FXR1: variants seen among roughly 807,000 people sequenced by gnomAD.
FXR1 encodes the protein FMR1 autosomal homolog 1.
Under a neutral mutation model 84.0 loss-of-function variants are expected in FXR1, and 15 were observed. The ratio of observed to expected loss-of-function variants is 0.18; its 90% CI spans 0.12 to 0.27. The LOEUF (loss-of-function observed/expected upper bound fraction) is 0.27. FXR1 is among the 10% of genes least tolerant of loss of function. The probability of loss-of-function intolerance (pLI) is 1.00; values close to 1 mark genes in which losing one functional copy is unlikely to be tolerated. For missense variants in FXR1, 480 were observed against 774.4 expected (o/e 0.62, Z 4.51); for synonymous variants, 245 against 250.7 (o/e 0.98, Z 0.21).
intron 1 of FXR1, among the ~76,000 whole-genome samples, chr3:180,930,060 C>G (rs543580972): frequency 3.3e-5 from 5 of 152,108 alleles, no homozygotes; most frequent in Non-Finnish European, 7.4e-5. Flanking sequence ...GGTCGGAGTT[C>G]GAGACCAGCC....
rs1366527212 is a variant in FXR1, at chr3:180,926,482, A to G, written c.52-6852A>G. ...TCTATTTAGGGGGATTGTACTGTAT[A>G]TATATATATATATATATATATATAT... On this transcript the variant is annotated intron_variant, in intron 1 of 16. Coordinates refer to ENST00000357559, the MANE Select transcript of FXR1 (RefSeq NM_005087.4). Among the ~76,000 whole-genome samples, 22 of 56,540 alleles carry G rather than the reference A, an allele frequency of 3.9e-4. 1 individual carries two copies. Among genetic ancestry groups the G allele is most frequent in the African/African-American group, 1.6e-3 (11 of 6,834 alleles). 37.1% of individuals were successfully genotyped at this position (56,540 alleles called of 152,430 possible).
chr3:180,953,148 CT>C (rs1294035960), intron 8 of FXR1, among the ~76,000 whole-genome samples: 1 of 152,146 alleles, frequency 6.6e-6, no homozygotes, highest in Admixed American at 6.5e-5. Flanking sequence ...CTGGCCTTAT[CT>C]GTGGTTATTA....
At position 180,961,458 on chromosome 3, in the gene FXR1, T is replaced by G. The variant is rs761557719; in HGVS notation, c.991-10T>G. On this transcript the variant is annotated splice_polypyrimidine_tract_variant and intron_variant, in intron 10 of 16. Transcript: ENST00000357559. ...TTAAACACTGAATACTTTTTTTTTT[T>G]TTTAAACAGGGTATGGTTCCATTTG... is the stretch of plus-strand genomic sequence containing the variant. The G allele has an allele frequency of 2.7e-6, 4 of 1,468,766 alleles. No homozygotes were observed. The highest frequency in any genetic ancestry group is 3.8e-6 in the Non-Finnish European group (4 of 1,055,572). The allele number at this position is 1,468,766 out of a possible 1,614,324, so 91.0% of individuals were successfully genotyped here.
At chr3:180,950,513 T>G (rs1417260769) in intron 7 of FXR1, among the ~76,000 whole-genome samples, 1 of 152,194 alleles carries the variant, frequency 6.6e-6, no homozygotes, top group East Asian at 1.9e-4. Context: ...AAAGTACATA[T>G]GAAACTTAGC....
rs1006387222 is a variant in FXR1, at chr3:180,977,713, C to T, written c.*1421C>T. Reference sequence around the variant, plus strand: ...TATATGGACCACTGAACAAGAATGACAGCCCTTTGTTATCACTTGGCATAT... The same window carrying T: ...TATATGGACCACTGAACAAGAATGATAGCCCTTTGTTATCACTTGGCATAT... On this transcript the variant is annotated 3_prime_UTR_variant, in exon 17 of 17. Transcript: ENST00000357559. The T allele has an allele frequency of 6.6e-6, 1 of 152,090 alleles. No individual in the cohort carries two copies. Among genetic ancestry groups the T allele is most frequent in the African/African-American group, 2.4e-5 (1 of 41,424 alleles). The allele number at this position is 152,090 out of a possible 1,614,324, so 9.4% of individuals were successfully genotyped here.
intron 1 of FXR1, among the ~76,000 whole-genome samples, chr3:180,917,701 C>A (rs1343107587): frequency 6.6e-6 from 1 of 152,074 alleles, no homozygotes; most frequent in Non-Finnish European, 1.5e-5. Flanking sequence ...GTAATCCCAG[C>A]ACTTTGTGGG....
chr3:180,953,932 ACCT>A, intron 9 of FXR1, 92 bp downstream of exon 9: 1 of 681,178 alleles, frequency 1.5e-6, no homozygotes, highest in Non-Finnish European at 2.6e-6. Context: ...TAGTCTGATA[ACCT>A]TATTCCAGTT....
At chr3:180,946,552 A>G (rs544976050) in intron 3 of FXR1, among the ~76,000 whole-genome samples, 13 of 152,248 alleles carry the variant, frequency 8.5e-5, no homozygotes, top group Admixed American at 2.0e-4. Flanking sequence ...AGATCTGTTT[A>G]TAAAAGAAAT....
intron 6 of FXR1, 57 bp from the exon 7 acceptor site, chr3:180,949,170 T>G: frequency 1.1e-6 from 1 of 885,792 alleles, no homozygotes; most frequent in East Asian, 2.4e-5. Context: ...TGGGATGGTG[T>G]TTGTGCTATT....
Position 180,980,549 on chromosome 3 carries a change from C to G in FXR1, c.*4257C>G, listed in dbSNP as rs1198607351. ...TACTTAATTGTTGCTTGGTTGCTTACATTTCAACCTCTAGGCTTCCTTTTT... is the reference window on the plus strand; with the variant it reads ...TACTTAATTGTTGCTTGGTTGCTTAGATTTCAACCTCTAGGCTTCCTTTTT... On this transcript the variant is annotated 3_prime_UTR_variant, in exon 17 of 17. Coordinates refer to ENST00000357559, the MANE Select transcript of FXR1 (RefSeq NM_005087.4). 6.6e-6 allele frequency: 1 copy of G among 151,950 alleles called. No individual in the cohort carries two copies. The highest frequency in any genetic ancestry group is 1.5e-5 in the Non-Finnish European group (1 of 67,882). 9.4% of individuals were successfully genotyped at this position (151,950 alleles called of 1,614,324 possible).
rs561606912 is a variant in FXR1, at chr3:180,980,216, T to C, written c.*3924T>C. On this transcript the variant is annotated 3_prime_UTR_variant, in exon 17 of 17. Transcript: ENST00000357559. ...GGAGTATGCTGAATTTAAGTGGTGT[T>C]TGTTTTACATATGTATCCATCCCAG... 2.4e-4 allele frequency: 37 copies of C among 152,202 alleles called. No homozygotes were observed. Among genetic ancestry groups the C allele is most frequent in the African/African-American group, 8.7e-4 (36 of 41,532 alleles). 9.4% of individuals were successfully genotyped at this position (152,202 alleles called of 1,614,324 possible).
At chr3:180,921,693 G>C (rs182985456) in intron 1 of FXR1, among the ~76,000 whole-genome samples, 15 of 151,612 alleles carry the variant, frequency 9.9e-5, no homozygotes, top group African/African-American at 3.4e-4. Context: ...GGGGAGTGGT[G>C]ATGCACATAC....
chr3:180,923,577 A>C (rs762745856), intron 1 of FXR1, among the ~76,000 whole-genome samples: 6 of 151,964 alleles, frequency 3.9e-5, no homozygotes, highest in Non-Finnish European at 8.8e-5. Flanking sequence ...ACAGTCCAGA[A>C]ACTTTATTAT....
chr3:180,921,097 T>C (rs9859769), intron 1 of FXR1, among the ~76,000 whole-genome samples: 36,427 of 151,972 alleles, frequency 0.24, 4,574 homozygotes, highest in African/African-American at 0.31. Flanking sequence ...TGGCTGGGCG[T>C]GCTGGCTCTT....
intron 8 of FXR1, among the ~76,000 whole-genome samples, chr3:180,951,734 C>T (rs1327194847): frequency 6.6e-6 from 1 of 152,048 alleles, no homozygotes; most frequent in Non-Finnish European, 1.5e-5. Flanking sequence ...CAGTTTTATA[C>T]CCGTTAACAA....
chr3:180,982,276 T>A lies in FXR1; in HGVS notation c.*5984T>A, dbSNP rs1198273346. ...AAATGTTACAGATCCAAGTATTTTG[T>A]AAGAAAATACCAGCAAAAGATAAAA... On this transcript the variant is annotated 3_prime_UTR_variant, in exon 17 of 17. Transcript: ENST00000357559. The A allele has an allele frequency of 6.6e-6, 1 of 152,110 alleles. No homozygotes were observed. The highest frequency in any genetic ancestry group is 1.5e-5 in the Non-Finnish European group (1 of 67,974). 9.4% of individuals were successfully genotyped at this position (152,110 alleles called of 1,614,324 possible).
At chr3:180,967,259 A>C (rs911637486) in intron 13 of FXR1, among the ~76,000 whole-genome samples, 6 of 152,210 alleles carry the variant, frequency 3.9e-5, no homozygotes, top group African/African-American at 1.4e-4. Flanking sequence ...CTAGTAAAAC[A>C]TGCCATCATT....
Position 180,928,332 on chromosome 3 carries a change from G to A in FXR1, c.52-5002G>A, listed in dbSNP as rs1805570. Reference sequence around the variant, plus strand: ...GTTTTAAAATAATCTTTAAGGTTTGGTAAGTATAGAGTGTTATTGTTCCCT... The same window carrying A: ...GTTTTAAAATAATCTTTAAGGTTTGATAAGTATAGAGTGTTATTGTTCCCT... On this transcript the variant is annotated intron_variant, in intron 1 of 16. Transcript: ENST00000357559. Among the ~76,000 whole-genome samples the A allele has an allele frequency of 4.5e-3, 681 of 151,666 alleles. 2 individuals carry two copies. Among genetic ancestry groups the A allele is most frequent in the Non-Finnish European group, 6.7e-3 (453 of 67,906 alleles).
At chr3:180,941,348 A>C (rs1476982441) in intron 3 of FXR1, among the ~76,000 whole-genome samples, 2 of 151,934 alleles carry the variant, frequency 1.3e-5, no homozygotes, top group African/African-American at 4.8e-5. Flanking sequence ...GTGTGCTACC[A>C]TGCTGGGCTA....
Sources: allele counts gnomAD v4.1 joint callset (sites outside exome capture counted in the v4.1 genomes callset), GRCh38; gene constraint gnomAD v4.1.1; transcripts MANE v1.5; gene names NCBI Gene and HGNC (gene_info 2026-07-23, HGNC 2026-07-21).